The following CLASP1 variants were observed in gnomAD, a reference collection of about 807,000 sequenced individuals.
CLASP1 encodes cytoplasmic linker associated protein 1.
A neutral mutation model predicts 192.3 loss-of-function variants in CLASP1; 38 were observed. That is an observed-to-expected ratio of 0.20 (90% CI 0.15 to 0.26). The LOEUF is 0.26. CLASP1 is among the 10% of genes least tolerant of loss of function. CLASP1 has a pLI of 1.00. For synonymous variants in CLASP1, 691 were observed against 712.8 expected (o/e 0.97, Z 0.49); for missense variants, 1,433 against 1,932.5 (o/e 0.74, Z 4.85).
chr2:121,567,879 G>T (rs1481210745), intron 2 of CLASP1, among the ~76,000 whole-genome samples: 1 of 152,140 alleles, frequency 6.6e-6, no homozygotes, highest in Non-Finnish European at 1.5e-5. Context: ...GATTTATCTT[G>T]GCTAAGAAGT....
chr2:121,524,193 G>C (rs886206697), intron 6 of CLASP1, among the ~76,000 whole-genome samples: 1 of 152,202 alleles, frequency 6.6e-6, no homozygotes, highest in East Asian at 1.9e-4. Flanking sequence ...AATCACCTCA[G>C]CAAGTTGGCT....
intron 6 of CLASP1, among the ~76,000 whole-genome samples, chr2:121,517,123 C>T (rs1051506075): frequency 2.6e-5 from 4 of 152,136 alleles, no homozygotes; most frequent in Admixed American, 2.6e-4. Flanking sequence ...CACAGAGATA[C>T]AGAAGAAATG....
exon 40 of CLASP1, chr2:121,339,834 T>C (rs2062628651): frequency 6.6e-6 from 1 of 152,346 alleles, no homozygotes; most frequent in South Asian, 2.1e-4. Flanking sequence ...TAATCCCACA[T>C]TAAACTGAGA....
At position 121,622,996 on chromosome 2, in the gene CLASP1, G is replaced by C. The variant is rs2067643646; in HGVS notation, c.-285-16816C>G. ...CCCAGCACTTTGGGAGGCCAAGGTG[G>C]GTGGATCACGTAAGCTCAGGAGTTC... On this transcript the variant is annotated intron_variant, in intron 1 of 39. Transcript: ENST00000263710. 4.6e-5 allele frequency among the ~76,000 whole-genome samples: 7 copies of C among 152,136 alleles called. No individual in the cohort carries two copies. The South Asian group carries it at 1.5e-3, about 32-fold the overall frequency.
At position 121,530,343 on chromosome 2, in the gene CLASP1, G is replaced by A; in HGVS notation, c.196-18C>T. 6.5e-7 allele frequency: 1 copy of A among 1,544,518 alleles called. No homozygotes were observed. The highest frequency in any genetic ancestry group is 8.8e-7 in the Non-Finnish European group (1 of 1,142,338). On this transcript the variant is annotated intron_variant, in intron 2 of 39. Coordinates refer to ENST00000263710, the Ensembl canonical transcript of CLASP1. Reference sequence around the variant, plus strand: ...AGAACCACCTGCAGCGGGAAACACCGGGAGCCTGTTAGCAGCCGGCCTGCG... The same window carrying A: ...AGAACCACCTGCAGCGGGAAACACCAGGAGCCTGTTAGCAGCCGGCCTGCG...
At chr2:121,352,816 G>A (rs998350680) in intron 37 of CLASP1, among the ~76,000 whole-genome samples, 4 of 152,030 alleles carry the variant, frequency 2.6e-5, no homozygotes, top group Non-Finnish European at 4.4e-5. Flanking sequence ...ACCACACCCA[G>A]CTAATTTTTG....
At chr2:121,487,508 T>C (rs2093052866) in intron 8 of CLASP1, among the ~76,000 whole-genome samples, 1 of 152,212 alleles carries the variant, frequency 6.6e-6, no homozygotes, top group Non-Finnish European at 1.5e-5. Context: ...GGACACCACA[T>C]TACATTTAGT....
intron 1 of CLASP1, among the ~76,000 whole-genome samples, chr2:121,612,959 T>TA (rs911781845): frequency 3.9e-5 from 6 of 152,052 alleles, no homozygotes; most frequent in Non-Finnish European, 7.4e-5. Context: ...TTTCTGAGTT[T>TA]AAAAAAAAGT....
At chr2:121,506,082 T>C (rs1056601889) in intron 7 of CLASP1, among the ~76,000 whole-genome samples, 9 of 152,148 alleles carry the variant, frequency 5.9e-5, no homozygotes, top group African/African-American at 2.2e-4. Context: ...AGAGAAAATA[T>C]TGTGATCATA....
chr2:121,451,139 C>T (rs2085388306), intron 15 of CLASP1, 149 bp from the exon 16 acceptor site: 1 of 606,702 alleles, frequency 1.6e-6, no homozygotes, highest in African/African-American at 1.9e-5. Flanking sequence ...CTGGGCAAAG[C>T]ACGGCACTCC....
intron 1 of CLASP1, among the ~76,000 whole-genome samples, chr2:121,617,898 G>A (rs1018177843): frequency 2.0e-5 from 3 of 152,128 alleles, no homozygotes; most frequent in Admixed American, 6.5e-5. Context: ...AGTCATATAC[G>A]CTGGCCTCCT....
At chr2:121,480,350 G>A (rs1184906935) in intron 8 of CLASP1, among the ~76,000 whole-genome samples, 5 of 152,228 alleles carry the variant, frequency 3.3e-5, no homozygotes, top group East Asian at 3.8e-4. Context: ...GAGCTGCTGA[G>A]TGCCCCCTGC....
intron 30 of CLASP1, among the ~76,000 whole-genome samples, chr2:121,395,597 T>A (rs2075149155): frequency 6.6e-6 from 1 of 152,240 alleles, no homozygotes; most frequent in African/African-American, 2.4e-5. Context: ...TACTGTCCTT[T>A]CCCTAAACTC....
intron 25 of CLASP1, among the ~76,000 whole-genome samples, chr2:121,405,626 C>T (rs556806972): frequency 1.3e-5 from 2 of 152,168 alleles, no homozygotes; most frequent in Non-Finnish European, 2.9e-5. Flanking sequence ...ATATTGTTAA[C>T]GACGTAACCT....
chr2:121,415,644 AAAGAT>A (rs2078448586), intron 23 of CLASP1, among the ~76,000 whole-genome samples: 1 of 152,236 alleles, frequency 6.6e-6, no homozygotes, highest in Admixed American at 6.5e-5. Flanking sequence ...AGGAAAAACA[AAAGAT>A]AATATGCTTC....
intron 37 of CLASP1, among the ~76,000 whole-genome samples, chr2:121,349,840 A>C (rs890124251): frequency 6.6e-6 from 1 of 152,194 alleles, no homozygotes; most frequent in African/African-American, 2.4e-5. Context: ...AATGAGCAAG[A>C]AAGAGGACAG....
chr2:121,355,230 C>A (rs1250735144), intron 37 of CLASP1, among the ~76,000 whole-genome samples: 1 of 152,094 alleles, frequency 6.6e-6, no homozygotes, highest in Non-Finnish European at 1.5e-5. Flanking sequence ...TGGGTTCAAG[C>A]GATTCTCCTG....
chr2:121,429,980 C>G, intron 20 of CLASP1, 93 bp downstream of exon 20: 2 of 963,662 alleles, frequency 2.1e-6, no homozygotes, highest in South Asian at 3.1e-5. Context: ...GTTTTTCCCT[C>G]TGAAGTCAAT....
rs184343948 is a variant in CLASP1 at position 121,608,185 on chromosome 2, T to C, written c.-285-2005A>G. The stretch of plus-strand genomic sequence containing the variant: ...CTTGCAGTTCCTTTATCATCTCTTA[T>C]GTTGGACTAAAGAAGGTATCAACGA... On this transcript the variant is annotated intron_variant, in intron 1 of 39. Coordinates refer to ENST00000263710, the Ensembl canonical transcript of CLASP1. Among the ~76,000 whole-genome samples, 11 of 152,324 alleles carry C rather than the reference T, an allele frequency of 7.2e-5. No homozygotes were observed. In the East Asian group the frequency reaches 2.1e-3, roughly 29 times the overall value.
Sources: gnomAD v4.1 joint callset for allele counts (sites outside exome capture counted in the v4.1 genomes callset) on GRCh38, gnomAD v4.1.1 for gene constraint, MANE v1.5 for transcripts, NCBI Gene and HGNC (gene_info 2026-07-23, HGNC 2026-07-21) for gene names.